Variants in KLHL29 observed in about 807,000 individuals in gnomAD.
KLHL29 encodes kelch-like protein 29.
Under a neutral mutation model 80.4 loss-of-function variants are expected in KLHL29, and 21 were observed. The ratio of observed to expected loss-of-function variants is 0.26; its 90% CI spans 0.19 to 0.38. KLHL29 has a LOEUF of 0.38. Ranked by LOEUF, KLHL29 falls within the 10% of genes least tolerant of loss-of-function variation. The pLI, the probability that KLHL29 is intolerant of heterozygous loss-of-function variation, is 1.00. For synonymous variants in KLHL29, 511 were observed against 526.8 expected (o/e 0.97, Z 0.41); for missense variants, 867 against 1,223.9 (o/e 0.71, Z 4.35).
intron 1 of KLHL29, among the ~76,000 whole-genome samples, chr2:23,464,619 A>G (rs1157180153): frequency 6.6e-6 from 1 of 152,156 alleles, no homozygotes; most frequent in Non-Finnish European, 1.5e-5. Flanking sequence ...GCTTGACAAG[A>G]GAGGCACACG....
chr2:23,551,720 T>G (rs4665223), intron 2 of KLHL29, among the ~76,000 whole-genome samples: 23,303 of 152,202 alleles, frequency 0.15, 2,643 homozygotes, highest in African/African-American at 0.29. Context: ...TCGCCAGATC[T>G]TAGGCTGGTG....
At chr2:23,701,979 ATT>A (rs70941587) in intron 11 of KLHL29, among the ~76,000 whole-genome samples, 76,279 of 144,504 alleles carry the variant, frequency 0.53, 20,644 homozygotes, top group East Asian at 0.78. Flanking sequence ...TGCCCAGCTA[ATT>A]TTTTTTTTTT....
chr2:23,600,709 A>G (rs1345304831), intron 3 of KLHL29, among the ~76,000 whole-genome samples: 2 of 152,190 alleles, frequency 1.3e-5, no homozygotes, highest in Non-Finnish European at 2.9e-5. Flanking sequence ...ACTATGCCAG[A>G]AGGAAGGGGG....
At chr2:23,590,542 G>T (rs953581806) in intron 3 of KLHL29, among the ~76,000 whole-genome samples, 5 of 152,154 alleles carry the variant, frequency 3.3e-5, no homozygotes, top group Admixed American at 2.6e-4. Context: ...TTCCTTTCAG[G>T]CCACAGACGC....
intron 3 of KLHL29, chr2:23,617,585 A>G (rs1301274990): frequency 1.3e-5 from 2 of 152,248 alleles, no homozygotes; most frequent in Non-Finnish European, 2.9e-5. Flanking sequence ...ATAAAAGGGC[A>G]TTAGGCAAAC....
intron 3 of KLHL29, among the ~76,000 whole-genome samples, chr2:23,591,047 A>G (rs2103516010): frequency 6.6e-6 from 1 of 152,316 alleles, no homozygotes; most frequent in South Asian, 2.1e-4. Flanking sequence ...TGAGAAATAA[A>G]GCAGGAAAAG....
intron 3 of KLHL29, among the ~76,000 whole-genome samples, chr2:23,566,730 T>G (rs1331923198): frequency 6.6e-6 from 1 of 152,230 alleles, no homozygotes; most frequent in Non-Finnish European, 1.5e-5. Flanking sequence ...TCTTTGTCTC[T>G]AAGAATTGGG....
chr2:23,492,742 A>G (rs1286165877), intron 2 of KLHL29, among the ~76,000 whole-genome samples: 1 of 152,180 alleles, frequency 6.6e-6, no homozygotes, highest in Non-Finnish European at 1.5e-5. Flanking sequence ...GGAAGGAAGG[A>G]AAAAGAGAGG....
intron 3 of KLHL29, among the ~76,000 whole-genome samples, chr2:23,636,181 C>A (rs1038319943): frequency 1.3e-5 from 2 of 152,234 alleles, no homozygotes; most frequent in East Asian, 1.9e-4. Context: ...CGCTGACGCA[C>A]ATCACCAGTG....
chr2:23,539,544 C>T (rs771677978), intron 2 of KLHL29, among the ~76,000 whole-genome samples: 1 of 150,366 alleles, frequency 6.7e-6, no homozygotes, highest in Admixed American at 6.7e-5. Flanking sequence ...CAGGCTCAAG[C>T]CGTCCTCCTG....
intron 1 of KLHL29, among the ~76,000 whole-genome samples, chr2:23,449,569 A>G (rs750149254): frequency 1.3e-5 from 2 of 152,106 alleles, no homozygotes; most frequent in Admixed American, 6.5e-5. Flanking sequence ...TCATCCTCCA[A>G]TAGTCCAGCC....
In KLHL29 at chr2:23,401,724, A is replaced by G. The variant is rs113584566; in HGVS notation, c.-154+15944A>G. ...AGGTGCATTGCTGAGCAGAGGGACT[A>G]TCTGCTGGTCCAAGGAGCCTCTGTC... On this transcript the variant is annotated intron_variant, in intron 1 of 13. Transcript: ENST00000486442. 2.0e-3 allele frequency among the ~76,000 whole-genome samples: 305 copies of G among 152,298 alleles called. 1 individual carries two copies. Among genetic ancestry groups the G allele is most frequent in the African/African-American group, 7.0e-3 (289 of 41,560 alleles).
chr2:23,506,226 C>T (rs1665593555), intron 2 of KLHL29, among the ~76,000 whole-genome samples: 1 of 152,238 alleles, frequency 6.6e-6, no homozygotes, highest in South Asian at 2.1e-4. Flanking sequence ...GGCTGGACAG[C>T]TTGCCGTTGT....
chr2:23,493,613 T>C lies in KLHL29; in HGVS notation c.-46+17946T>C, dbSNP rs116341191. The stretch of plus-strand genomic sequence containing the variant: ...TATGACTCTATTCGAATATGCTAAA[T>C]CTCTGGGAGCGGGGTGGGCGTGTGT... On this transcript the variant is annotated intron_variant, in intron 2 of 13. Coordinates refer to ENST00000486442, the MANE Select transcript of KLHL29 (RefSeq NM_052920.2). Among the ~76,000 whole-genome samples the C allele has an allele frequency of 2.0e-3, 305 of 152,264 alleles. 1 individual carries two copies. The highest frequency in any genetic ancestry group is 3.4e-3 in the Middle Eastern group (1 of 294).
intron 1 of KLHL29, among the ~76,000 whole-genome samples, chr2:23,442,610 A>G (rs533206729): frequency 2.0e-5 from 3 of 152,304 alleles, no homozygotes; most frequent in African/African-American, 4.8e-5. Flanking sequence ...CAACACTTCT[A>G]CTTCAGCCAA....
At chr2:23,399,050 C>A (rs552044901) in intron 1 of KLHL29, among the ~76,000 whole-genome samples, 5 of 152,166 alleles carry the variant, frequency 3.3e-5, no homozygotes, top group African/African-American at 1.2e-4. Context: ...GGCCATGGAG[C>A]GCTTTGGGTC....
In KLHL29 at chr2:23,509,822, G is replaced by A. The variant is rs1351542860; in HGVS notation, c.-46+34155G>A. On this transcript the variant is annotated intron_variant, in intron 2 of 13. Transcript: ENST00000486442. ...GGGTGGTGGGAGGCCTCTGGAGAGC[G>A]GCTGGGTGCTGCTTTTGACAGCTGA... 9.9e-5 allele frequency among the ~76,000 whole-genome samples: 15 copies of A among 152,232 alleles called. 1 individual carries two copies. In the South Asian group the frequency reaches 1.5e-3, roughly 15 times the overall value.
At chr2:23,536,916 A>T (rs62125421) in intron 2 of KLHL29, among the ~76,000 whole-genome samples, 79 of 52,650 alleles carry the variant, frequency 1.5e-3, no homozygotes, top group South Asian at 8.6e-3. Context: ...ACACACACAC[A>T]CACTCTCTCT....
intron 3 of KLHL29, among the ~76,000 whole-genome samples, chr2:23,614,550 A>T (rs1168602997): frequency 6.6e-6 from 1 of 152,238 alleles, no homozygotes; most frequent in African/African-American, 2.4e-5. Context: ...TGCAAACACA[A>T]TTAGTAAACA....
Sources: allele counts gnomAD v4.1 joint callset (sites outside exome capture counted in the v4.1 genomes callset), GRCh38; gene constraint gnomAD v4.1.1; transcripts MANE v1.5; gene names NCBI Gene and HGNC (gene_info 2026-07-23, HGNC 2026-07-21).